Variants in CIT observed in about 807,000 individuals in gnomAD.
CIT encodes the protein citron Rho-interacting kinase.
A neutral mutation model predicts 272.7 loss-of-function variants in CIT; 79 were observed. The observed-to-expected ratio is 0.29, with a 90% confidence interval of 0.24 to 0.35. The LOEUF (loss-of-function observed/expected upper bound fraction) is 0.35. Among genes scored for constraint, CIT ranks in the 10% least tolerant of loss-of-function variants. CIT has a pLI of 1.00. For synonymous variants in CIT, 948 were observed against 995.6 expected (o/e 0.95, Z 0.90); for missense variants, 1,909 against 2,618.3 (o/e 0.73, Z 5.91).
At chr12:119,814,328 C>A (rs7294469) in intron 9 of CIT, among the ~76,000 whole-genome samples, 1 of 151,950 alleles carries the variant, frequency 6.6e-6, no homozygotes, top group South Asian at 2.1e-4. Flanking sequence ...GAACAGCCCC[C>A]AAGAGACACA....
chr12:119,719,255 G>GT (rs781149243), intron 30 of CIT, among the ~76,000 whole-genome samples: 3 of 151,928 alleles, frequency 2.0e-5, no homozygotes, highest in Non-Finnish European at 4.4e-5. Flanking sequence ...ATGATGCTCA[G>GT]TTACAAGACA....
At chr12:119,744,587 G>C (rs1241150583) in intron 23 of CIT, among the ~76,000 whole-genome samples, 1 of 151,680 alleles carries the variant, frequency 6.6e-6, no homozygotes, top group Non-Finnish European at 1.5e-5. Flanking sequence ...GTGGTGGCAG[G>C]TGCCTGTAGT....
intron 3 of CIT, among the ~76,000 whole-genome samples, chr12:119,863,310 A>C (rs958563925): frequency 6.6e-6 from 1 of 151,984 alleles, no homozygotes; most frequent in African/African-American, 2.4e-5. Context: ...GAGCTAAAGG[A>C]TGAGAACACA....
chr12:119,760,784 G>C (rs781543975), intron 20 of CIT, among the ~76,000 whole-genome samples, 155 bp downstream of exon 20: 10 of 152,130 alleles, frequency 6.6e-5, no homozygotes, highest in Admixed American at 5.9e-4. Flanking sequence ...TTTAGGAAAG[G>C]AAACAGTTTC....
rs1187144226 is a variant in CIT at position 119,842,447 on chromosome 12, C to T, written c.516+7727G>A. Among the ~76,000 whole-genome samples, 15 of 145,218 alleles carry T rather than the reference C, an allele frequency of 1.0e-4. No homozygotes were observed. The East Asian group carries it at 3.2e-3, about 31-fold the overall frequency. On this transcript the variant is annotated intron_variant, in intron 5 of 47. Transcript: ENST00000392521. ...GTGGTGGGATGCAAAACTATGTGTT[C>T]TTTGTGAAGATCAGCTCCTTCATGG...
At position 119,856,991 on chromosome 12, in the gene CIT, A is replaced by G. The variant is rs539979831; in HGVS notation, c.414+532T>C. The stretch of plus-strand genomic sequence containing the variant: ...TCTAAAACACAGCAAATGAATCAAT[A>G]TGTCTAGAGACAGTAGCCTTGTTTA... On this transcript the variant is annotated intron_variant, in intron 4 of 47. Coordinates refer to ENST00000392521, the MANE Select transcript of CIT (RefSeq NM_001206999.2). Among the ~76,000 whole-genome samples the G allele has an allele frequency of 7.2e-5, 11 of 152,350 alleles. No individual in the cohort carries two copies. In the South Asian group the frequency reaches 2.3e-3, roughly 32 times the overall value.
chr12:119,876,169 CT>C lies in CIT; in HGVS notation c.-2del, dbSNP rs1950838648. On this transcript the variant is annotated 5_prime_UTR_variant, in exon 2 of 48. Transcript: ENST00000392521. ...GCGCTCCATATTTGAACTTCAACAT[CT>C]CCCCACTGGCGCTGAAAGGATATCA... is the stretch of plus-strand genomic sequence containing the variant. 4 of 1,610,532 alleles carry C rather than the reference CT, an allele frequency of 2.5e-6. No individual in the cohort carries two copies. Among genetic ancestry groups the C allele is most frequent in the Non-Finnish European group, 3.4e-6 (4 of 1,177,186 alleles).
At chr12:119,800,927 T>C (rs1280989201) in intron 10 of CIT, among the ~76,000 whole-genome samples, 1 of 152,188 alleles carries the variant, frequency 6.6e-6, no homozygotes, top group African/African-American at 2.4e-5. Flanking sequence ...ATGATGCTTG[T>C]AGGTATCACC....
rs748364453 is a variant in CIT, at chr12:119,718,451, G to A, written c.4004-42C>T. 30 of 1,571,292 alleles carry A rather than the reference G, an allele frequency of 1.9e-5. No homozygotes were observed. The highest frequency in any genetic ancestry group is 2.2e-4 in the Middle Eastern group (1 of 4,522). On this transcript the variant is annotated intron_variant, in intron 31 of 47. Transcript: ENST00000392521. This position sits in a 1 kb window ranked among gnomAD's most constrained non-coding sequence, Gnocchi z 4.8. ...ACAATGCCTTTTGGTTAGCTGGGTC[G>A]CCTAGAGGACCAAACTAAGCCGAAT... is the stretch of plus-strand genomic sequence containing the variant.
chr12:119,860,619 C>A (rs917179861), intron 3 of CIT, among the ~76,000 whole-genome samples: 2 of 152,128 alleles, frequency 1.3e-5, no homozygotes, highest in Non-Finnish European at 2.9e-5. Flanking sequence ...CAGTGTCCAA[C>A]TTAATAACTC....
intron 23 of CIT, among the ~76,000 whole-genome samples, chr12:119,746,626 C>T (rs181802806): frequency 1.1e-3 from 175 of 152,332 alleles, no homozygotes; most frequent in Non-Finnish European, 2.1e-3. Context: ...TCATTTAACT[C>T]TCCCACTGGA....
At chr12:119,706,045 G>C (rs141735767) in intron 40 of CIT, among the ~76,000 whole-genome samples, 1 of 149,750 alleles carries the variant, frequency 6.7e-6, no homozygotes, top group Non-Finnish European at 1.5e-5. Context: ...AGCCAAGATC[G>C]TGCCGCTGTG....
intron 32 of CIT, among the ~76,000 whole-genome samples, chr12:119,715,984 T>C (rs1174654600): frequency 6.6e-6 from 1 of 152,168 alleles, no homozygotes; most frequent in Non-Finnish European, 1.5e-5. Flanking sequence ...AGGAGCAATA[T>C]ACTGTAGTAC....
At chr12:119,789,560 T>C (rs1965121000) in intron 10 of CIT, among the ~76,000 whole-genome samples, 1 of 152,240 alleles carries the variant, frequency 6.6e-6, no homozygotes, top group South Asian at 2.1e-4. Context: ...TCTATTCATT[T>C]TTCATGTAGA....
chr12:119,846,733 A>G lies in CIT; in HGVS notation c.516+3441T>C, dbSNP rs536949259. Among the ~76,000 whole-genome samples, 8 of 152,232 alleles carry G rather than the reference A, an allele frequency of 5.3e-5. No individual in the cohort carries two copies. The South Asian group carries it at 1.7e-3, about 32-fold the overall frequency. On this transcript the variant is annotated intron_variant, in intron 5 of 47. Coordinates refer to ENST00000392521, the MANE Select transcript of CIT (RefSeq NM_001206999.2). ...AGCCTAGGCAACATAGTGAGACCCT[A>G]GTCTCTATGAAAAATTTAAAAATTC...
In CIT at chr12:119,804,690, GACA is replaced by G. The variant is rs920581643; in HGVS notation, c.1112-1304_1112-1302del. Among the ~76,000 whole-genome samples, 1 of 152,212 alleles carries G rather than the reference GACA, an allele frequency of 6.6e-6. No individual in the cohort carries two copies. ...CTGGCTGTTTCCAAAGTTCCCCGAT[GACA>G]ACAACATCCAAGTGGCGCTGGGAAG... On this transcript the variant is annotated intron_variant, in intron 9 of 47. Coordinates refer to ENST00000392521, the MANE Select transcript of CIT (RefSeq NM_001206999.2). The surrounding 1 kb of genome is among the most constrained non-coding windows in gnomAD (Gnocchi z 5.3).
In CIT at chr12:119,834,154, C is replaced by G. The variant is rs751492351; in HGVS notation, c.591G>C (p.Leu197=). The G allele has an allele frequency of 3.7e-6, 6 of 1,613,924 alleles. No homozygotes were observed. The highest frequency in any genetic ancestry group is 4.2e-6 in the Non-Finnish European group (5 of 1,179,930). ...TCAGCTCAGCTAGGTAAAACTGTAT[C>G]AGGTTTTCATCTAACTGGTCCTCAT... ...NRYEDQLDEN[L]IQFYLAELIL... Residue 197 remains leucine (L), a synonymous_variant, in exon 6 of 48, where the codon CTG becomes CTC. Transcript: ENST00000392521.
chr12:119,742,555 T>C lies in CIT; in HGVS notation c.2905-91A>G, dbSNP rs548332098. ...CAAATATAGAGAATAGCAATTTGCC[T>C]GGAAAGCCGAGAATGCGGCACCAGC... is the stretch of plus-strand genomic sequence containing the variant. On this transcript the variant is annotated intron_variant, in intron 23 of 47. Transcript: ENST00000392521. 7.7e-4 allele frequency: 728 copies of C among 947,300 alleles called. 17 individuals are homozygous for C. The East Asian group carries it at 0.018, about 24-fold the overall frequency. The allele number at this position is 947,300 out of a possible 1,614,324, so 58.7% of individuals were successfully genotyped here. A position where few individuals can be genotyped will look rare whatever the true frequency, so the allele number is the denominator to read the frequency against.
At chr12:119,808,347 G>T (rs1440582699) in intron 9 of CIT, among the ~76,000 whole-genome samples, 1 of 152,004 alleles carries the variant, frequency 6.6e-6, no homozygotes, top group Admixed American at 6.6e-5. Context: ...ACAATACCTG[G>T]CTGTCCTTAT....
Sources: gnomAD v4.1 joint callset for allele counts (sites outside exome capture counted in the v4.1 genomes callset) on GRCh38, gnomAD v4.1.1 for gene constraint, Gnocchi (gnomAD v3.1) non-coding constraint, MANE v1.5 for transcripts, NCBI Gene and HGNC (gene_info 2026-07-23, HGNC 2026-07-21) for gene names.